The following HOMER2 variants were observed in gnomAD, a reference collection of about 807,000 sequenced individuals.
The protein encoded by HOMER2 is homer protein homolog 2.
HOMER2 carries 27 observed loss-of-function variants against 47.0 expected under a neutral mutation model. The ratio of observed to expected loss-of-function variants is 0.57; its 90% confidence interval spans 0.42 to 0.79. HOMER2 has a LOEUF of 0.79. Among genes scored for constraint, HOMER2 ranks in the 30% least tolerant of loss-of-function variants. The pLI is 0.00. For synonymous variants in HOMER2, 161 were observed against 163.8 expected (o/e 0.98, Z 0.13); for missense variants, 443 against 435.0 (o/e 1.02, Z -0.16).
At chr15:82,882,177 C>T (rs549112420) in intron 2 of HOMER2, among the ~76,000 whole-genome samples, 36 of 152,338 alleles carry the variant, frequency 2.4e-4, no homozygotes, top group Admixed American at 2.0e-3. Context: ...ATGTGGCTCC[C>T]ATCTGTCCAG....
chr15:82,849,091 C>G lies in HOMER2; in HGVS notation c.*624G>C, dbSNP rs115909263. 6.6e-6 allele frequency: 1 copy of G among 150,398 alleles called. No homozygotes were observed. The highest frequency in any genetic ancestry group is 1.5e-5 in the Non-Finnish European group (1 of 67,940). 9.3% of individuals were successfully genotyped at this position (150,398 alleles called of 1,614,324 possible). ...ACAATCATCTGCTCAGAAATTAAAA[C>G]CAAGAAAAGGAACACTGTTGCAACC... On this transcript the variant is annotated 3_prime_UTR_variant, in exon 9 of 9. Coordinates refer to ENST00000450735, the MANE Select transcript of HOMER2 (RefSeq NM_004839.4).
exon 2 of HOMER2, chr15:82,843,047 C>T (rs2051192424): frequency 6.6e-6 from 1 of 152,066 alleles, no homozygotes; most frequent in Non-Finnish European, 1.5e-5. Flanking sequence ...AGGCAAGAGC[C>T]AACACGCCCA....
At chr15:82,946,725 A>G (rs2054391484) in intron 1 of HOMER2, among the ~76,000 whole-genome samples, 2 of 152,228 alleles carry the variant, frequency 1.3e-5, no homozygotes, top group Admixed American at 1.3e-4. Flanking sequence ...AAAGTCAACC[A>G]AAAGAGAATA....
rs55861392 is a variant in HOMER2 at position 82,859,304 on chromosome 15, GT to G, written c.388-170del. The G allele has an allele frequency of 3.6e-4, 228 of 627,748 alleles. 1 individual carries two copies. Among genetic ancestry groups the G allele is most frequent in the African/African-American group, 2.1e-3 (112 of 52,508 alleles). The allele number at this position is 627,748 out of a possible 1,614,324, so 38.9% of individuals were successfully genotyped here. ...ATGCAGCAAAGACTAACAAGTTTTT[GT>G]TTTTTTTTTAAACAAACAAACAAAC... On this transcript the variant is annotated intron_variant, in intron 4 of 8. Transcript: ENST00000450735.
chr15:82,870,128 A>C (rs541141302), intron 3 of HOMER2, among the ~76,000 whole-genome samples: 5 of 152,358 alleles, frequency 3.3e-5, no homozygotes, highest in African/African-American at 1.2e-4. Context: ...TTTTGGCCTT[A>C]GCCATTGAAG....
intron 1 of HOMER2, 128 bp from the exon 2 acceptor site, chr15:82,892,969 C>A: frequency 1.5e-6 from 1 of 663,390 alleles, no homozygotes; most frequent in Admixed American, 3.8e-5. Context: ...TGCATGAAGA[C>A]AATTAAAATA....
chr15:82,864,554 C>T (rs772724945), intron 3 of HOMER2, among the ~76,000 whole-genome samples: 3 of 152,126 alleles, frequency 2.0e-5, no homozygotes, highest in Non-Finnish European at 4.4e-5. Flanking sequence ...AAGAAATCCA[C>T]GGAAAACTTC....
intron 1 of HOMER2, among the ~76,000 whole-genome samples, chr15:82,948,260 G>A (rs908416646): frequency 2.6e-5 from 4 of 152,058 alleles, no homozygotes; most frequent in African/African-American, 7.2e-5. Context: ...GCGTGGTGGC[G>A]GGCGCCTGTA....
At chr15:82,920,739 T>A (rs947114975) in intron 1 of HOMER2, among the ~76,000 whole-genome samples, 1 of 152,186 alleles carries the variant, frequency 6.6e-6, no homozygotes, top group African/African-American at 2.4e-5. Flanking sequence ...TAACTTATCA[T>A]ATCTGCAAAG....
rs7171836 is a variant in HOMER2, at chr15:82,902,411, C to T, written c.6-9570G>A. ...CAGGGTTTCACCATATTGACCAGGC[C>T]GGTTTCAAACTCCTGACCTTGTGAT... is the stretch of plus-strand genomic sequence containing the variant. On this transcript the variant is annotated intron_variant, in intron 1 of 8. Transcript: ENST00000450735. 8.4e-3 allele frequency among the ~76,000 whole-genome samples: 1,280 copies of T among 152,034 alleles called. 18 individuals are homozygous for T. Among genetic ancestry groups the T allele is most frequent in the African/African-American group, 0.029 (1,212 of 41,448 alleles).
chr15:82,914,029 G>T lies in HOMER2; in HGVS notation c.6-21188C>A, dbSNP rs536183824. Among the ~76,000 whole-genome samples the T allele has an allele frequency of 3.3e-5, 5 of 152,134 alleles. No individual in the cohort carries two copies. The East Asian group carries it at 9.6e-4, about 29-fold the overall frequency. On this transcript the variant is annotated intron_variant, in intron 1 of 8. Coordinates refer to ENST00000450735, the MANE Select transcript of HOMER2 (RefSeq NM_004839.4). ...CAAAATGTGGCATACACATAGAATCGAATAGCCTTAAAAAGGAATGAAAGT... is the reference window on the plus strand; with the variant it reads ...CAAAATGTGGCATACACATAGAATCTAATAGCCTTAAAAAGGAATGAAAGT...
chr15:82,948,961 G>T (rs1482248094), intron 1 of HOMER2, among the ~76,000 whole-genome samples: 1 of 152,218 alleles, frequency 6.6e-6, no homozygotes, highest in Non-Finnish European at 1.5e-5. Context: ...AGAGGTGATG[G>T]TGGCTAGAGT....
intron 1 of HOMER2, among the ~76,000 whole-genome samples, chr15:82,950,998 T>C (rs2054493810): frequency 1.3e-5 from 2 of 152,228 alleles, no homozygotes; most frequent in Admixed American, 1.3e-4. Context: ...TCTTCCATTC[T>C]GAGACCTTAC....
chr15:82,952,697 A>G lies in HOMER2; in HGVS notation c.-162T>C, dbSNP rs1467616085. The G allele has an allele frequency of 1.0e-6, 1 of 985,420 alleles. No homozygotes were observed. The highest frequency in any genetic ancestry group is 1.2e-6 in the Non-Finnish European group (1 of 831,316). The allele number at this position is 985,420 out of a possible 1,614,324, so 61.0% of individuals were successfully genotyped here. A position where few individuals can be genotyped will look rare whatever the true frequency, so the allele number is the denominator to read the frequency against. Reference sequence around the variant, plus strand: ...GGGCTGCGCGGCTGCCACTGCTGCCACTGCCGCCACCGCCGCCAGGCGCGG... The same window carrying G: ...GGGCTGCGCGGCTGCCACTGCTGCCGCTGCCGCCACCGCCGCCAGGCGCGG... On this transcript the variant is annotated 5_prime_UTR_variant, in exon 1 of 9. Transcript: ENST00000450735.
upstream of HOMER2, among the ~76,000 whole-genome samples, chr15:82,953,744 G>A (rs918562148): frequency 6.6e-6 from 1 of 152,144 alleles, no homozygotes. Context: ...TTAGCCGGGC[G>A]TGGAGACAGG....
rs68038013 is a variant in HOMER2 at position 82,897,065 on chromosome 15, C to CTTT, written c.6-4227_6-4225dup. Among the ~76,000 whole-genome samples, 112 of 101,848 alleles carry CTTT rather than the reference C, an allele frequency of 1.1e-3. 4 individuals carry two copies. Among genetic ancestry groups the CTTT allele is most frequent in the Non-Finnish European group, 1.5e-3 (84 of 54,466 alleles). The allele number at this position is 101,848 out of a possible 152,430, so 66.8% of individuals were successfully genotyped here. A position where few individuals can be genotyped will look rare whatever the true frequency, so the allele number is the denominator to read the frequency against. ...ACAGGTCTGAAATTTGATGTCATTT[C>CTTT]TTTTTTTTTTTTTTTTTTTTAGATG... is the stretch of plus-strand genomic sequence containing the variant. On this transcript the variant is annotated intron_variant, in intron 1 of 8. Coordinates refer to ENST00000450735, the MANE Select transcript of HOMER2 (RefSeq NM_004839.4).
intron 1 of HOMER2, among the ~76,000 whole-genome samples, chr15:82,905,181 C>A (rs548519563): frequency 6.6e-6 from 1 of 151,782 alleles, no homozygotes; most frequent in East Asian, 1.9e-4. Context: ...GAGGAAAGAA[C>A]CTTTCTCAGT....
rs2053977701 is a variant in HOMER2, at chr15:82,930,425, G to A, written c.5+22106C>T. On this transcript the variant is annotated intron_variant, in intron 1 of 8. Coordinates refer to ENST00000450735, the MANE Select transcript of HOMER2 (RefSeq NM_004839.4). Reference sequence around the variant, plus strand: ...CCTGCAGCCTCAGAGGTAAGCGTCCGGTGCAATCACAGAGTGCACAGACAG... The same window carrying A: ...CCTGCAGCCTCAGAGGTAAGCGTCCAGTGCAATCACAGAGTGCACAGACAG... Among the ~76,000 whole-genome samples the A allele has an allele frequency of 1.3e-5, 2 of 152,180 alleles. 1 individual carries two copies. The highest frequency in any genetic ancestry group is 4.1e-4 in the South Asian group (2 of 4,832).
chr15:82,849,190 A>AC lies in HOMER2; in HGVS notation c.*524dup, dbSNP rs1223766726. On this transcript the variant is annotated 3_prime_UTR_variant, in exon 9 of 9. Transcript: ENST00000450735. ...CAACTCCGGGCCAGAAAATGCACCC[A>AC]CCAGAAGCTTGTTTTCCATCTCTCA... is the stretch of plus-strand genomic sequence containing the variant. 1.3e-5 allele frequency: 2 copies of AC among 152,686 alleles called. No individual in the cohort carries two copies. Among genetic ancestry groups the AC allele is most frequent in the Non-Finnish European group, 2.9e-5 (2 of 68,414 alleles). 9.5% of individuals were successfully genotyped at this position (152,686 alleles called of 1,614,324 possible). A position where few individuals can be genotyped will look rare whatever the true frequency, so the allele number is the denominator to read the frequency against.
Sources: gnomAD v4.1 joint callset for allele counts (sites outside exome capture counted in the v4.1 genomes callset) on GRCh38, gnomAD v4.1.1 for gene constraint, MANE v1.5 for transcripts, NCBI Gene and HGNC (gene_info 2026-07-23, HGNC 2026-07-21) for gene names.